Variants in SEMA3D observed in about 807,000 individuals in gnomAD.
SEMA3D encodes semaphorin 3D, also known as semaphorin-3D.
Under a neutral mutation model 100.1 loss-of-function variants are expected in SEMA3D, and 84 were observed. The ratio of observed to expected loss-of-function variants is 0.84; its 90% CI spans 0.70 to 1.01. The LOEUF is 1.01. Among genes scored for constraint, SEMA3D ranks in the 50% least tolerant of loss-of-function variants. The pLI, the probability that SEMA3D is intolerant of heterozygous loss-of-function variation, is 0.00. For missense variants in SEMA3D, 875 were observed against 934.1 expected (o/e 0.94, Z 0.82); for synonymous variants, 312 against 320.7 (o/e 0.97, Z 0.29).
intron 12 of SEMA3D, among the ~76,000 whole-genome samples, chr7:85,030,564 C>T (rs1790519742): frequency 6.6e-6 from 1 of 152,018 alleles, no homozygotes; most frequent in South Asian, 2.1e-4. Context: ...CAAAGTAAAA[C>T]ATGCATTTTA....
At chr7:85,204,347 T>TAA in the SEMA3D span, among the ~76,000 whole-genome samples, 86,484 of 143,938 alleles carry the variant, frequency 0.6, 26,076 homozygotes, top group East Asian at 0.84. Context: ...CTAATACAGT[T>TAA]AAAAAAAAAA....
At chr7:85,181,676 C>T (rs940254881) in intron 1 of SEMA3D, 1 of 491,920 alleles carries the variant, frequency 2.0e-6, no homozygotes, top group East Asian at 1.5e-4. Flanking sequence ...GACCTCCTTC[C>T]AAAGAGTACA....
intron 1 of SEMA3D, among the ~76,000 whole-genome samples, chr7:85,153,993 C>T (rs192285553): frequency 8.5e-5 from 13 of 152,284 alleles, no homozygotes; most frequent in Admixed American, 8.5e-4. Flanking sequence ...TACCAATTCA[C>T]ATGTTGATCT....
chr7:85,230,769 T>A, the SEMA3D span, among the ~76,000 whole-genome samples: 13,330 of 152,234 alleles, frequency 0.088, 1,496 homozygotes, highest in African/African-American at 0.26. Context: ...AAATGTCGTC[T>A]ACTTTCTCAA....
At chr7:85,127,775 G>C (rs1376091393) in intron 2 of SEMA3D, among the ~76,000 whole-genome samples, 4 of 152,106 alleles carry the variant, frequency 2.6e-5, no homozygotes, top group Non-Finnish European at 5.9e-5. Flanking sequence ...AACATCATCA[G>C]AGTTGACCTT....
chr7:85,099,151 T>G (rs1204943353), intron 3 of SEMA3D, among the ~76,000 whole-genome samples: 2 of 152,014 alleles, frequency 1.3e-5, no homozygotes, highest in African/African-American at 4.8e-5. Context: ...GAGGTTTTTG[T>G]GTGGACATAG....
intron 9 of SEMA3D, among the ~76,000 whole-genome samples, chr7:85,052,526 A>C (rs1433482761): frequency 6.6e-6 from 1 of 151,992 alleles, no homozygotes; most frequent in Non-Finnish European, 1.5e-5. Context: ...AACAACTGTC[A>C]CAACGCTGCC....
At chr7:85,141,419 G>A (rs1459773649) in intron 2 of SEMA3D, 3 of 984,398 alleles carry the variant, frequency 3.0e-6, no homozygotes, top group Middle Eastern at 5.2e-4. Flanking sequence ...TACTATTGGG[G>A]ATTCTGTGCT....
chr7:85,136,790 A>G (rs1351530982), intron 2 of SEMA3D, among the ~76,000 whole-genome samples: 1 of 152,044 alleles, frequency 6.6e-6, no homozygotes, highest in African/African-American at 2.4e-5. Context: ...TAAGTGTCAG[A>G]TTTTCCAGTT....
rs1789585352 is a variant in SEMA3D, at chr7:84,999,286, C to A, written c.*154G>T. On this transcript the variant is annotated 3_prime_UTR_variant, in exon 19 of 19. Coordinates refer to ENST00000284136, the MANE Select transcript of SEMA3D (RefSeq NM_001384900.1). ...GGTTCAAATGAATTTTTTGCCCTTT[C>A]TTATATTCATCACATATTGTCTTAT... 1 of 651,478 alleles carries A rather than the reference C, an allele frequency of 1.5e-6. No individual in the cohort carries two copies. The highest frequency in any genetic ancestry group is 2.5e-6 in the Non-Finnish European group (1 of 392,476). 40.4% of individuals were successfully genotyped at this position (651,478 alleles called of 1,614,324 possible). A position where few individuals can be genotyped will look rare whatever the true frequency, so the allele number is the denominator to read the frequency against.
Position 84,997,413 on chromosome 7 carries a change from G to C in SEMA3D, c.*2027C>G, listed in dbSNP as rs968292142. ...CTATAATTACAAACACTGTTGTTAC[G>C]CTATTCAATTAGAAGTCTGATCATG... On this transcript the variant is annotated 3_prime_UTR_variant, in exon 19 of 19. Coordinates refer to ENST00000284136, the MANE Select transcript of SEMA3D (RefSeq NM_001384900.1). 1 of 151,936 alleles carries C rather than the reference G, an allele frequency of 6.6e-6. No homozygotes were observed. The highest frequency in any genetic ancestry group is 1.5e-5 in the Non-Finnish European group (1 of 67,930). 9.4% of individuals were successfully genotyped at this position (151,936 alleles called of 1,614,324 possible). A position where few individuals can be genotyped will look rare whatever the true frequency, so the allele number is the denominator to read the frequency against.
the SEMA3D span, among the ~76,000 whole-genome samples, chr7:85,210,696 T>C: frequency 1.3e-5 from 2 of 152,030 alleles, no homozygotes; most frequent in African/African-American, 2.4e-5. Context: ...TATTCAGAAA[T>C]GGAAACTGGT....
At chr7:85,031,043 T>G (rs754237202) in intron 12 of SEMA3D, among the ~76,000 whole-genome samples, 1 of 152,032 alleles carries the variant, frequency 6.6e-6, no homozygotes, top group African/African-American at 2.4e-5. Context: ...TTCTATAATA[T>G]ATCCTTTTGC....
At chr7:85,192,974 A>G in the SEMA3D span, among the ~76,000 whole-genome samples, 5 of 152,186 alleles carry the variant, frequency 3.3e-5, no homozygotes, top group Non-Finnish European at 7.4e-5. Flanking sequence ...TTCTAAGAAA[A>G]GAAGATAATT....
At chr7:85,042,387 T>A in intron 9 of SEMA3D, 102 bp from the exon 10 acceptor site, 2 of 793,470 alleles carry the variant, frequency 2.5e-6, no homozygotes, top group Non-Finnish European at 2.1e-6. Context: ...ATGTCATTGT[T>A]TACAAAGACA....
the SEMA3D span, among the ~76,000 whole-genome samples, chr7:85,228,424 A>G: frequency 2.0e-5 from 3 of 152,182 alleles, no homozygotes; most frequent in African/African-American, 7.2e-5. Flanking sequence ...TTATTAAAAA[A>G]CAGAACAAAT....
intron 1 of SEMA3D, among the ~76,000 whole-genome samples, chr7:85,168,599 G>A (rs1225069174): frequency 7.0e-6 from 1 of 143,332 alleles, no homozygotes; most frequent in Non-Finnish European, 1.5e-5. Flanking sequence ...TGGTGCAAAA[G>A]TAATTGCGGT....
the SEMA3D span, among the ~76,000 whole-genome samples, chr7:85,246,051 ATATT>A: frequency 1.3e-5 from 2 of 152,088 alleles, no homozygotes; most frequent in Non-Finnish European, 2.9e-5. Flanking sequence ...GTTAATGAAT[ATATT>A]TATTATTTGT....
chr7:85,113,323 C>A (rs2116372527), intron 3 of SEMA3D, among the ~76,000 whole-genome samples: 1 of 152,154 alleles, frequency 6.6e-6, no homozygotes, highest in African/African-American at 2.4e-5. Context: ...CGAGAATTCG[C>A]CACATGAACT....
Sources: allele counts gnomAD v4.1 joint callset (sites outside exome capture counted in the v4.1 genomes callset), GRCh38; gene constraint gnomAD v4.1.1; transcripts MANE v1.5; gene names NCBI Gene and HGNC (gene_info 2026-07-23, HGNC 2026-07-21).